ROBO1: variants seen among roughly 807,000 people sequenced by gnomAD.
ROBO1 encodes roundabout homolog 1.
In ROBO1, 149 loss-of-function variants were observed where a neutral mutation model predicts 195.9. The observed-to-expected ratio is 0.76, with a 90% confidence interval of 0.67 to 0.87. The LOEUF (loss-of-function observed/expected upper bound fraction) is 0.87, where lower values mean the gene tolerates loss of function less well. Ranked by LOEUF, ROBO1 falls within the 40% of genes least tolerant of loss-of-function variation. ROBO1 has a pLI of 0.00. For synonymous variants in ROBO1, 816 were observed against 733.2 expected (o/e 1.11, Z -1.82); for missense variants, 1,933 against 2,068.3 (o/e 0.93, Z 1.27).
At chr3:78,839,716 G>T (rs1056054097) in intron 4 of ROBO1, among the ~76,000 whole-genome samples, 2 of 152,036 alleles carry the variant, frequency 1.3e-5, no homozygotes, top group Admixed American at 1.3e-4. Context: ...TCCCAGCCTT[G>T]TCACTATGTA....
intron 3 of ROBO1, among the ~76,000 whole-genome samples, chr3:79,100,561 C>T (rs1226117168): frequency 6.6e-6 from 1 of 151,694 alleles, no homozygotes. Flanking sequence ...TGCAGAAGAA[C>T]AATAGTATGA....
At chr3:78,651,969 A>G in intron 18 of ROBO1, 40 bp from the exon 19 acceptor site, 1 of 1,464,290 alleles carries the variant, frequency 6.8e-7, no homozygotes, top group Non-Finnish European at 9.5e-7. Context: ...TTGAAGACTC[A>G]ATGCAATAAT....
chr3:79,281,008 G>C (rs1475834598), intron 2 of ROBO1, among the ~76,000 whole-genome samples: 3 of 152,038 alleles, frequency 2.0e-5, no homozygotes, highest in Non-Finnish European at 4.4e-5. Context: ...AATACTACAA[G>C]TAATAAAAAT....
intron 1 of ROBO1, among the ~76,000 whole-genome samples, chr3:79,644,150 A>T (rs1945748396): frequency 6.6e-6 from 1 of 152,136 alleles, no homozygotes; most frequent in Non-Finnish European, 1.5e-5. Context: ...ATTCAGTAAG[A>T]GGAAATAAGA....
intron 2 of ROBO1, among the ~76,000 whole-genome samples, chr3:79,425,792 G>A (rs574612084): frequency 6.6e-5 from 10 of 151,904 alleles, no homozygotes; most frequent in South Asian, 2.1e-4. Context: ...ACAGAAAACC[G>A]AGTGACCATT....
At chr3:79,053,315 G>A (rs1196315722) in intron 3 of ROBO1, among the ~76,000 whole-genome samples, 1 of 151,740 alleles carries the variant, frequency 6.6e-6, no homozygotes, top group Non-Finnish European at 1.5e-5. Flanking sequence ...ACGATTCTGA[G>A]ACTTCAATAT....
chr3:79,276,979 G>A (rs1038342751), intron 2 of ROBO1, among the ~76,000 whole-genome samples: 6 of 151,960 alleles, frequency 3.9e-5, no homozygotes, highest in African/African-American at 7.2e-5. Flanking sequence ...AAATGTTGCC[G>A]AATGTGTGGA....
intron 2 of ROBO1, among the ~76,000 whole-genome samples, chr3:79,137,035 G>A (rs112979378): frequency 5.9e-5 from 9 of 152,200 alleles, no homozygotes; most frequent in African/African-American, 2.2e-4. Context: ...AGAAAACAAT[G>A]TGTTACAATC....
At chr3:79,134,823 G>T (rs866103323) in intron 2 of ROBO1, among the ~76,000 whole-genome samples, 1,355 of 104,366 alleles carry the variant, frequency 0.013, 19 homozygotes, top group Middle Eastern at 0.078. Context: ...TCACTCATAG[G>T]TGGGAATTGA....
chr3:79,762,493 T>TTTTTTTTTTTTTTTTTTTTTG (rs1704754177), intron 1 of ROBO1, among the ~76,000 whole-genome samples: 2 of 151,830 alleles, frequency 1.3e-5, no homozygotes, highest in Admixed American at 6.6e-5. Flanking sequence ...GAGGAATACT[T>TTTTTTTTTTTTTTTTTTTTTG]AAACCTATTT....
chr3:79,077,531 G>T (rs557541999), intron 3 of ROBO1, among the ~76,000 whole-genome samples: 8 of 151,870 alleles, frequency 5.3e-5, no homozygotes, highest in African/African-American at 1.9e-4. Context: ...TATAATTTTA[G>T]TAATTGAAAT....
chr3:78,782,089 A>G (rs1268267723), intron 4 of ROBO1, among the ~76,000 whole-genome samples: 2 of 152,210 alleles, frequency 1.3e-5, no homozygotes, highest in Non-Finnish European at 2.9e-5. Flanking sequence ...TGGAAACTAA[A>G]TATGAACCTG....
chr3:79,261,842 C>T (rs1176597447), intron 2 of ROBO1, among the ~76,000 whole-genome samples: 1 of 151,890 alleles, frequency 6.6e-6, no homozygotes, highest in Non-Finnish European at 1.5e-5. Flanking sequence ...ATACTTCTGC[C>T]TAGTTTGAGA....
At chr3:79,118,098 G>A (rs2080042081) in intron 3 of ROBO1, among the ~76,000 whole-genome samples, 1 of 152,174 alleles carries the variant, frequency 6.6e-6, no homozygotes, top group African/African-American at 2.4e-5. Context: ...ATATCGGCAT[G>A]TACTACTTTG....
At chr3:78,722,712 T>C (rs1418724344) in intron 5 of ROBO1, among the ~76,000 whole-genome samples, 1 of 152,144 alleles carries the variant, frequency 6.6e-6, no homozygotes, top group African/African-American at 2.4e-5. Flanking sequence ...TTCTAAATCC[T>C]AGATCAATTT....
At chr3:79,621,898 A>G (rs1945020350) in intron 1 of ROBO1, among the ~76,000 whole-genome samples, 1 of 152,172 alleles carries the variant, frequency 6.6e-6, no homozygotes, top group Non-Finnish European at 1.5e-5. Context: ...ACTGTAATAA[A>G]ACCTGGGGAG....
rs1022534190 is a variant in ROBO1, at chr3:78,600,639, A to G, written c.4745-330T>C. ...TTGGCTTCCAATTCTGTCATTCACTATATGATCTCAGATTATTTTAGGCTT... is the reference window on the plus strand; with the variant it reads ...TTGGCTTCCAATTCTGTCATTCACTGTATGATCTCAGATTATTTTAGGCTT... On this transcript the variant is annotated intron_variant, in intron 29 of 30. Transcript: ENST00000464233. 5.3e-5 allele frequency among the ~76,000 whole-genome samples: 8 copies of G among 152,146 alleles called. No homozygotes were observed. In the South Asian group the frequency reaches 8.3e-4, roughly 16 times the overall value.
At position 78,617,374 on chromosome 3, in the gene ROBO1, G is replaced by A. The variant is rs182670553; in HGVS notation, c.4282+261C>T. 1.4e-4 allele frequency among the ~76,000 whole-genome samples: 22 copies of A among 152,026 alleles called. No individual in the cohort carries two copies. In the East Asian group the frequency reaches 4.3e-3, roughly 29 times the overall value. The stretch of plus-strand genomic sequence containing the variant: ...TGCTATGGCTATCCTAAAAAATGAG[G>A]TAGCTCCCTATCACTCATATTATGT... On this transcript the variant is annotated intron_variant, in intron 27 of 30. Transcript: ENST00000464233.
intron 2 of ROBO1, among the ~76,000 whole-genome samples, chr3:79,522,079 C>A (rs1941232938): frequency 6.6e-6 from 1 of 152,092 alleles, no homozygotes; most frequent in South Asian, 2.1e-4. Context: ...TTCAGTATGT[C>A]ATCTATTAGT....
Sources: gnomAD v4.1 joint callset for allele counts (sites outside exome capture counted in the v4.1 genomes callset) on GRCh38, gnomAD v4.1.1 for gene constraint, MANE v1.5 for transcripts, NCBI Gene and HGNC (gene_info 2026-07-23, HGNC 2026-07-21) for gene names.